The following ZMYM5 variants were observed in gnomAD, a reference collection of about 807,000 sequenced individuals.
ZMYM5 encodes zinc finger MYM-type protein 5.
Under a neutral mutation model 61.8 loss-of-function variants are expected in ZMYM5, and 41 were observed. The ratio of observed to expected loss-of-function variants is 0.66; its 90% confidence interval spans 0.52 to 0.86. The LOEUF (loss-of-function observed/expected upper bound fraction) is 0.86. Among genes scored for constraint, ZMYM5 ranks in the 40% least tolerant of loss-of-function variants. The pLI, the probability that ZMYM5 is intolerant of heterozygous loss-of-function variation, is 0.00. For synonymous variants in ZMYM5, 257 were observed against 276.4 expected (o/e 0.93, Z 0.70); for missense variants, 706 against 786.7 (o/e 0.90, Z 1.23).
rs764475563 is a variant in ZMYM5, at chr13:19,825,052, T to C, written c.1435A>G (p.Thr479Ala). 4 of 1,367,614 alleles carry C rather than the reference T, an allele frequency of 2.9e-6. No homozygotes were observed. Among genetic ancestry groups the C allele is most frequent in the East Asian group, 9.1e-5 (2 of 22,006 alleles). The allele number at this position is 1,367,614 out of a possible 1,614,324, so 84.7% of individuals were successfully genotyped here. The change falls in exon 8 of 8, where the codon ACA (threonine) becomes GCA (alanine). Residue 479 changes from threonine to alanine, a missense_variant. Coordinates refer to ENST00000337963, the MANE Select transcript of ZMYM5 (RefSeq NM_001142684.2). ...LQLSVECGTD[T>A]LLIQENVNLP... ...TTCACATTCTCTTGGATCAGTAATGTATCCGTGCCACATTCTACTGAAAGC... is the reference window on the plus strand; with the variant it reads ...TTCACATTCTCTTGGATCAGTAATGCATCCGTGCCACATTCTACTGAAAGC...
In ZMYM5 at chr13:19,827,732, A is replaced by AATATT. The variant is rs1397019598; in HGVS notation, c.1252-2498_1252-2497insAATAT. Among the ~76,000 whole-genome samples the AATATT allele has an allele frequency of 3.3e-5, 5 of 152,238 alleles. No individual in the cohort carries two copies. The East Asian group carries it at 9.6e-4, about 29-fold the overall frequency. On this transcript the variant is annotated intron_variant, in intron 7 of 7. Coordinates refer to ENST00000337963, the MANE Select transcript of ZMYM5 (RefSeq NM_001142684.2). Reference sequence around the variant, plus strand: ...AAAAACTAAAAAGATTTAACATAATAAAGATGTATAAAATGTGGGCTGGGC... The same window carrying AATATT: ...AAAAACTAAAAAGATTTAACATAATAATATTAAGATGTATAAAATGTGGGCTGGGC...
Position 19,849,888 on chromosome 13 carries a change from C to T in ZMYM5, c.586+1467G>A, listed in dbSNP as rs140252029. On this transcript the variant is annotated intron_variant, in intron 4 of 7. Transcript: ENST00000337963. Reference sequence around the variant, plus strand: ...CCCAGCTACTCGGAAGGCTGAGGCCCGGGGATCACTTGAACCCAGGAGGCA... The same window carrying T: ...CCCAGCTACTCGGAAGGCTGAGGCCTGGGGATCACTTGAACCCAGGAGGCA... Among the ~76,000 whole-genome samples, 161 of 151,684 alleles carry T rather than the reference C, an allele frequency of 1.1e-3. 1 individual carries two copies. In the South Asian group the frequency reaches 0.011, roughly 10 times the overall value.
Position 19,855,086 on chromosome 13 carries a change from G to A in ZMYM5, c.-10-2896C>T, listed in dbSNP as rs573037842. Reference sequence around the variant, plus strand: ...AAAAAGATTGGGGGCCAGGAATGTTGGCTCATGCCTGCTAATCCCAGCACT... The same window carrying A: ...AAAAAGATTGGGGGCCAGGAATGTTAGCTCATGCCTGCTAATCCCAGCACT... On this transcript the variant is annotated intron_variant, in intron 2 of 7. Transcript: ENST00000337963. Among the ~76,000 whole-genome samples, 21 of 152,234 alleles carry A rather than the reference G, an allele frequency of 1.4e-4. No individual in the cohort carries two copies. The South Asian group carries it at 3.7e-3, about 27-fold the overall frequency.
intron 7 of ZMYM5, among the ~76,000 whole-genome samples, chr13:19,831,754 G>A (rs1456016817): frequency 5.4e-5 from 6 of 110,588 alleles, no homozygotes; most frequent in East Asian, 3.3e-4. Context: ...AGCTGAGATC[G>A]TCCAGCCTGG....
At chr13:19,830,597 C>T (rs1465059465) in intron 7 of ZMYM5, among the ~76,000 whole-genome samples, 1 of 147,172 alleles carries the variant, frequency 6.8e-6, no homozygotes, top group African/African-American at 2.5e-5. Context: ...GCAGTGGCAC[C>T]ATCTTGGCTC....
chr13:19,858,204 A>T lies in ZMYM5; in HGVS notation c.-11+4195T>A, dbSNP rs929846186. ...AGAGTTAGACCTGTCTCTAAAAATTAAAAAAAAAAAACAAAAAAACCACAA... is the reference window on the plus strand; with the variant it reads ...AGAGTTAGACCTGTCTCTAAAAATTTAAAAAAAAAAACAAAAAAACCACAA... On this transcript the variant is annotated intron_variant, in intron 2 of 7. Coordinates refer to ENST00000337963, the MANE Select transcript of ZMYM5 (RefSeq NM_001142684.2). 1.1e-4 allele frequency among the ~76,000 whole-genome samples: 15 copies of T among 142,470 alleles called. No individual in the cohort carries two copies. In the East Asian group the frequency reaches 2.9e-3, roughly 27 times the overall value. 93.5% of individuals were successfully genotyped at this position (142,470 alleles called of 152,430 possible).
intron 2 of ZMYM5, among the ~76,000 whole-genome samples, chr13:19,859,391 T>TTTTGTTTGTTCG (rs1953640228): frequency 6.6e-6 from 1 of 152,030 alleles, no homozygotes; most frequent in Non-Finnish European, 1.5e-5. Flanking sequence ...AGTTCCCGTT[T>TTTTGTTTGTTCG]TTTGTTTGTT....
chr13:19,840,466 TG>T (rs1301514556), intron 4 of ZMYM5, among the ~76,000 whole-genome samples: 1 of 152,222 alleles, frequency 6.6e-6, no homozygotes, highest in African/African-American at 2.4e-5. Context: ...CTTGAACTCC[TG>T]GGCTCAAGCG....
chr13:19,824,418 A>G lies in ZMYM5; in HGVS notation c.*59T>C. On this transcript the variant is annotated 3_prime_UTR_variant, in exon 8 of 8. Coordinates refer to ENST00000337963, the MANE Select transcript of ZMYM5 (RefSeq NM_001142684.2). ...ACAATAGTACTGACTATTGCAGGAC[A>G]GATGTTTTCTGAGTAATGTAAGATT... The G allele has an allele frequency of 1.6e-6, 2 of 1,244,976 alleles. No homozygotes were observed. The highest frequency in any genetic ancestry group is 2.1e-6 in the Non-Finnish European group (2 of 970,770). The allele number at this position is 1,244,976 out of a possible 1,614,324, so 77.1% of individuals were successfully genotyped here. A position where few individuals can be genotyped will look rare whatever the true frequency, so the allele number is the denominator to read the frequency against.
chr13:19,849,247 A>AGG (rs1012644650), intron 4 of ZMYM5, among the ~76,000 whole-genome samples: 2 of 152,080 alleles, frequency 1.3e-5, no homozygotes, highest in African/African-American at 4.8e-5. Flanking sequence ...CAGCTTCCTT[A>AGG]AGTGCTGAGT....
intron 7 of ZMYM5, among the ~76,000 whole-genome samples, chr13:19,826,579 A>C (rs1772847958): frequency 6.6e-6 from 1 of 151,652 alleles, no homozygotes; most frequent in African/African-American, 2.4e-5. Context: ...AGATGGTGAA[A>C]ACCTGATTCT....
At chr13:19,837,611 T>TA in intron 6 of ZMYM5, 45 bp downstream of exon 6, 3 of 1,605,640 alleles carry the variant, frequency 1.9e-6, no homozygotes, top group Non-Finnish European at 2.5e-6. Context: ...AAGTTAAAAT[T>TA]ATCACTGTTA....
At position 19,824,530 on chromosome 13, in the gene ZMYM5, G is replaced by A. The variant is rs766971257; in HGVS notation, c.1957C>T (p.His653Tyr). 20 of 1,332,728 alleles carry A rather than the reference G, an allele frequency of 1.5e-5. No individual in the cohort carries two copies. Among genetic ancestry groups the A allele is most frequent in the South Asian group, 1.1e-4 (9 of 80,420 alleles). 82.6% of individuals were successfully genotyped at this position (1,332,728 alleles called of 1,614,324 possible). A position where few individuals can be genotyped will look rare whatever the true frequency, so the allele number is the denominator to read the frequency against. Residue 653 changes from histidine to tyrosine, a missense_variant, in exon 8 of 8, where the codon CAC (histidine) becomes TAC (tyrosine). This residue lies in a region of ZMYM5 where 226 missense variants were observed against 325.0 expected (regional missense o/e 0.70). Transcript: ENST00000337963. ...TTTTTCTCATTTTCATATAATCTGT[G>A]TTCTGCAGCATCAATAGCTTTATTT... Reference protein sequence around the residue: ...KKNKAIDAAEHRLYENEKNDG... With the variant: ...KKNKAIDAAEYRLYENEKNDG...
intron 4 of ZMYM5, among the ~76,000 whole-genome samples, chr13:19,844,446 A>G (rs1303530947): frequency 6.6e-6 from 1 of 152,222 alleles, no homozygotes; most frequent in East Asian, 1.9e-4. Context: ...TTAACTATTA[A>G]TAAGACATGT....
At chr13:19,851,279 T>C (rs1000762742) in intron 4 of ZMYM5, 76 bp downstream of exon 4, 7 of 1,284,032 alleles carry the variant, frequency 5.5e-6, no homozygotes, top group East Asian at 2.3e-5. Context: ...GTGAATAAAA[T>C]AGATATGAGC....
At chr13:19,839,930 G>C (rs1162578362) in intron 4 of ZMYM5, among the ~76,000 whole-genome samples, 2 of 152,090 alleles carry the variant, frequency 1.3e-5, no homozygotes, top group Non-Finnish European at 2.9e-5. Context: ...ATTACTGTTA[G>C]CTTCAAAAGG....
intron 4 of ZMYM5, among the ~76,000 whole-genome samples, chr13:19,842,647 T>C (rs868123108): frequency 0.012 from 1,743 of 151,422 alleles, 35 homozygotes; most frequent in African/African-American, 0.039. Context: ...AAGCTTTTTT[T>C]TTTTAATTAA....
At chr13:19,848,965 G>A (rs908505179) in intron 4 of ZMYM5, among the ~76,000 whole-genome samples, 1 of 151,724 alleles carries the variant, frequency 6.6e-6, no homozygotes, top group African/African-American at 2.4e-5. Context: ...GAGTGAATCT[G>A]AGACCAAAAA....
chr13:19,840,251 C>A (rs978954450), intron 4 of ZMYM5, among the ~76,000 whole-genome samples: 2 of 152,138 alleles, frequency 1.3e-5, no homozygotes, highest in African/African-American at 4.8e-5. Flanking sequence ...TCAGCCTAGG[C>A]AGGGTGCAAT....
Sources: allele counts gnomAD v4.1 joint callset (sites outside exome capture counted in the v4.1 genomes callset), GRCh38; gene constraint gnomAD v4.1.1; regional missense constraint gnomAD v4.1.1; transcripts MANE v1.5; gene names NCBI Gene and HGNC (gene_info 2026-07-23, HGNC 2026-07-21).